Variants in COL18A1 observed in about 807,000 individuals in gnomAD.
The protein encoded by COL18A1 is collagen type XVIII alpha 1 chain.
COL18A1 carries 133 observed loss-of-function variants against 168.0 expected under a neutral mutation model. The ratio of observed to expected loss-of-function variants is 0.79; its 90% confidence interval spans 0.69 to 0.91. COL18A1 has a LOEUF of 0.91. Ranked by LOEUF, COL18A1 falls within the 40% of genes least tolerant of loss-of-function variation. The pLI is 0.00. For synonymous variants in COL18A1, 949 were observed against 809.0 expected, an observed-to-expected ratio of 1.17 and a Z score of -2.94; for missense variants, 2,126 against 1,925.4, an observed-to-expected ratio of 1.10 and a Z score of -1.95.
rs577703058 is a variant in COL18A1 at position 45,511,858 on chromosome 21, C to T, written c.3810-330C>T. The stretch of plus-strand genomic sequence containing the variant: ...GCCTGAAAGCCAGGAGCCCGGGAGG[C>T]GGAGCTGGTTCCTAGCGAGGCAGCC... On this transcript the variant is annotated intron_variant, in intron 41 of 41. Coordinates refer to ENST00000651438, the MANE Select transcript of COL18A1 (RefSeq NM_001379500.1). Among the ~76,000 whole-genome samples the T allele has an allele frequency of 9.2e-5, 14 of 152,306 alleles. No homozygotes were observed. In the South Asian group the frequency reaches 2.3e-3, roughly 25 times the overall value.
At position 45,504,044 on chromosome 21, in the gene COL18A1, C is replaced by G. The variant is rs752396390; in HGVS notation, c.2717C>G (p.Ala906Gly). 8 of 1,613,572 alleles carry G rather than the reference C, an allele frequency of 5.0e-6. No homozygotes were observed. The highest frequency in any genetic ancestry group is 1.7e-5 in the Admixed American group (1 of 60,000). The change falls in exon 33 of 42, where the codon GCT becomes GGT. Residue 906 changes from alanine (A) to glycine (G), a missense_variant. By Grantham distance (60) the Ala-to-Gly change is moderately conservative. Transcript: ENST00000651438. ...QFPFDFLQLE[A>G]EMKGEKGDRG... Reference sequence around the variant, plus strand: ...CCGTTTGACTTTCTTCAGTTGGAGGCTGAAATGAAGGTGGGTGACCTCCCT... The same window carrying G: ...CCGTTTGACTTTCTTCAGTTGGAGGGTGAAATGAAGGTGGGTGACCTCCCT...
At chr21:45,500,563 A>G (rs1602578428) in intron 32 of COL18A1, among the ~76,000 whole-genome samples, 1 of 24,992 alleles carries the variant, frequency 4.0e-5, no homozygotes, top group Non-Finnish European at 6.7e-5. Context: ...TTGGGTGTGT[A>G]GTGTGGGGGT....
chr21:45,506,348 G>A (rs779823258), intron 37 of COL18A1: 17 of 355,712 alleles, frequency 4.8e-5, no homozygotes, highest in East Asian at 7.2e-5. Context: ...GCACGGCCCC[G>A]GCTGGGGGGC....
In COL18A1 at chr21:45,490,253, G is replaced by T. The variant is rs75354819; in HGVS notation, c.1960-22G>T. The T allele has an allele frequency of 2.6e-6, 4 of 1,563,588 alleles. No homozygotes were observed. In the East Asian group the frequency reaches 9.5e-5, roughly 37 times the overall value. ...CCTGGGCGTGTGGCCAATGCCCTGC[G>T]TCCTCCATGTGACCCTTTCAGGGAG... On this transcript the variant is annotated intron_variant, in intron 19 of 41. Coordinates refer to ENST00000651438, the MANE Select transcript of COL18A1 (RefSeq NM_001379500.1).
At position 45,492,685 on chromosome 21, in the gene COL18A1, A is replaced by G. The variant is rs1356014547; in HGVS notation, c.2188-2A>G. 1 of 1,611,160 alleles carries G rather than the reference A, an allele frequency of 6.2e-7. No individual in the cohort carries two copies. On this transcript the variant is annotated splice_acceptor_variant, in intron 23 of 41. Transcript: ENST00000651438. LOFTEE classifies it high-confidence loss of function. Reference sequence around the variant, plus strand: ...CAGCTGACGCCGTCCCTCTTTCCCCAGGGCCGGCCGGGTTTCGCAGGCTTT... The same window carrying G: ...CAGCTGACGCCGTCCCTCTTTCCCCGGGGCCGGCCGGGTTTCGCAGGCTTT...
chr21:45,487,013 A>AC, intron 16 of COL18A1, 21 bp downstream of exon 16: 10 of 1,500,550 alleles, frequency 6.7e-6, no homozygotes, highest in Non-Finnish European at 6.2e-6. Flanking sequence ...CCTACACCTG[A>AC]CCCCCTGGAG....
At chr21:45,438,338 ACT>A (rs1158787087) in intron 2 of COL18A1, among the ~76,000 whole-genome samples, 1 of 34,332 alleles carries the variant, frequency 2.9e-5, no homozygotes, top group Non-Finnish European at 6.2e-5. Flanking sequence ...ACACACACAC[ACT>A]CACACACTCA....
chr21:45,426,243 T>G lies in COL18A1; in HGVS notation c.106+20770T>G, dbSNP rs547088249. 4.7e-3 allele frequency among the ~76,000 whole-genome samples: 711 copies of G among 152,312 alleles called. 1 individual carries two copies. The highest frequency in any genetic ancestry group is 0.016 in the African/African-American group (662 of 41,564). On this transcript the variant is annotated intron_variant, in intron 2 of 41. Coordinates refer to ENST00000651438, the MANE Select transcript of COL18A1 (RefSeq NM_001379500.1). ...TCTCAGCCTCTGGAGTAGCTGGAATTACAGGCGCCCGCCACCACACCTGGC... is the reference window on the plus strand; with the variant it reads ...TCTCAGCCTCTGGAGTAGCTGGAATGACAGGCGCCCGCCACCACACCTGGC...
At chr21:45,445,520 A>G (rs369003731) in intron 2 of COL18A1, among the ~76,000 whole-genome samples, 1 of 152,132 alleles carries the variant, frequency 6.6e-6, no homozygotes, top group African/African-American at 2.4e-5. Flanking sequence ...TACTCATTTG[A>G]GCAGCCGCCA....
Position 45,482,012 on chromosome 21 carries a change from A to G in COL18A1, c.1661A>G (p.Gln554Arg), listed in dbSNP as rs1454547075. 1.9e-6 allele frequency: 3 copies of G among 1,613,370 alleles called. No homozygotes were observed. Among genetic ancestry groups the G allele is most frequent in the Non-Finnish European group, 1.7e-6 (2 of 1,179,462 alleles). ...GAGGGGCCCCCAGGAAGGACTGGGC[A>G]GAAAGGCAGCCTGGTAAGTCTTCCC... ...GREGPPGRTG[Q>R]KGSLGEAGAP... is the part of the protein sequence containing the mutation. Residue 554 changes from glutamine (Q) to arginine (R), a missense_variant, in exon 14 of 42, where the codon CAG (glutamine) becomes CGG (arginine). Gln to Arg is a conservative substitution (Grantham distance 43, BLOSUM62 1). Coordinates refer to ENST00000651438, the MANE Select transcript of COL18A1 (RefSeq NM_001379500.1).
intron 29 of COL18A1, chr21:45,496,080 C>T (rs546061420): frequency 3.1e-5 from 8 of 254,586 alleles, no homozygotes; most frequent in Non-Finnish European, 5.5e-5. Context: ...CCATGCCCTC[C>T]ATGCCCTCTA....
At chr21:45,503,019 C>G (rs139725391) in intron 32 of COL18A1, 1 of 152,048 alleles carries the variant, frequency 6.6e-6, no homozygotes, top group Non-Finnish European at 1.5e-5. Flanking sequence ...TGAATAATGT[C>G]GCAATAAACA....
At chr21:45,485,051 C>G (rs889968024) in intron 15 of COL18A1, among the ~76,000 whole-genome samples, 2 of 151,664 alleles carry the variant, frequency 1.3e-5, no homozygotes, top group East Asian at 3.9e-4. Flanking sequence ...GGTGCAGTCT[C>G]AGCTCACTGC....
rs1176366010 is a variant in COL18A1 at position 45,443,101 on chromosome 21, G to A, written c.107-25141G>A. Among the ~76,000 whole-genome samples, 1 of 78,632 alleles carries A rather than the reference G, an allele frequency of 1.3e-5. No individual in the cohort carries two copies. Among genetic ancestry groups the A allele is most frequent in the African/African-American group, 4.3e-5 (1 of 23,056 alleles). 51.6% of individuals were successfully genotyped at this position (78,632 alleles called of 152,430 possible). On this transcript the variant is annotated intron_variant, in intron 2 of 41. Coordinates refer to ENST00000651438, the MANE Select transcript of COL18A1 (RefSeq NM_001379500.1). This position sits in a 1 kb window ranked among gnomAD's most constrained non-coding sequence, Gnocchi z 5.2. ...GGTGGTGGTGGTGCTGATGTGGGCGGCGGTGCTGGTGTGGGCGGCGGTGCT... is the reference window on the plus strand; with the variant it reads ...GGTGGTGGTGGTGCTGATGTGGGCGACGGTGCTGGTGTGGGCGGCGGTGCT...
In COL18A1 at chr21:45,487,710, G is replaced by A. The variant is rs968296177; in HGVS notation, c.1896+201G>A. On this transcript the variant is annotated intron_variant, in intron 17 of 41. Transcript: ENST00000651438. The stretch of plus-strand genomic sequence containing the variant: ...TGCCCCTTCATTGAACTAAAGTCAC[G>A]GGGTGAGGGCCTGGTCTGCAAAGTG... 64 of 712,780 alleles carry A rather than the reference G, an allele frequency of 9.0e-5. 2 individuals carry two copies. The highest frequency in any genetic ancestry group is 8.8e-4 in the South Asian group (60 of 67,898). 44.2% of individuals were successfully genotyped at this position (712,780 alleles called of 1,614,324 possible). A position where few individuals can be genotyped will look rare whatever the true frequency, so the allele number is the denominator to read the frequency against.
At chr21:45,476,105 G>A (rs982307717) in intron 5 of COL18A1, among the ~76,000 whole-genome samples, 1 of 152,016 alleles carries the variant, frequency 6.6e-6, no homozygotes, top group African/African-American at 2.4e-5. Context: ...GTCGGGCGCC[G>A]GGAGGCCTCT....
chr21:45,474,293 T>TTGTG (rs201038425), intron 4 of COL18A1, among the ~76,000 whole-genome samples: 28 of 149,514 alleles, frequency 1.9e-4, no homozygotes, highest in African/African-American at 6.8e-4. Flanking sequence ...TCTCTGTGTC[T>TTGTG]TGTGTGGTGT....
chr21:45,456,418 T>G lies in COL18A1; in HGVS notation c.107-11824T>G, dbSNP rs771874035. Reference sequence around the variant, plus strand: ...CACTGTCTCAGGTCGCAGTCACCACTTTAACCAGGGACAGCGGTGCTTGGG... The same window carrying G: ...CACTGTCTCAGGTCGCAGTCACCACGTTAACCAGGGACAGCGGTGCTTGGG... On this transcript the variant is annotated intron_variant, in intron 2 of 41. Transcript: ENST00000651438. 4 of 1,544,976 alleles carry G rather than the reference T, an allele frequency of 2.6e-6. No homozygotes were observed. The East Asian group carries it at 9.8e-5, about 38-fold the overall frequency.
chr21:45,493,610 G>A (rs769258355), intron 26 of COL18A1, 35 bp downstream of exon 26: 2 of 1,460,868 alleles, frequency 1.4e-6, no homozygotes. Context: ...GGCAGGCGTG[G>A]GGGCTCCTGG....
Sources: allele counts gnomAD v4.1 joint callset (sites outside exome capture counted in the v4.1 genomes callset), GRCh38; gene constraint gnomAD v4.1.1; non-coding constraint Gnocchi (gnomAD v3.1); transcripts MANE v1.5; gene names NCBI Gene and HGNC (gene_info 2026-07-23, HGNC 2026-07-21).